Variants in DSP observed in about 807,000 individuals in gnomAD.
DSP encodes the protein 250/210 kDa paraneoplastic pemphigus antigen.
Under a neutral mutation model 290.6 loss-of-function variants are expected in DSP, and 114 were observed. The ratio of observed to expected loss-of-function variants is 0.39; its 90% CI spans 0.34 to 0.46. The LOEUF (loss-of-function observed/expected upper bound fraction) is 0.46, where lower values mean the gene tolerates loss of function less well. DSP is among the 20% of genes least tolerant of loss of function. The pLI, the probability that DSP is intolerant of heterozygous loss-of-function variation, is 0.99. For missense variants in DSP, 3,230 were observed against 3,495.8 expected (o/e 0.92, Z 1.92); for synonymous variants, 1,311 against 1,316.4 (o/e 1.00, Z 0.09).
At chr6:7,562,453 G>A (rs1404890207) in intron 4 of DSP, among the ~76,000 whole-genome samples, 199 bp from the exon 5 acceptor site, 1 of 151,328 alleles carries the variant, frequency 6.6e-6, no homozygotes, top group African/African-American at 2.4e-5. Context: ...ATCTTGAGCT[G>A]GGGTCAAGCA....
intron 1 of DSP, among the ~76,000 whole-genome samples, chr6:7,542,920 A>G (rs1758049769): frequency 7.0e-6 from 1 of 143,748 alleles, no homozygotes; most frequent in South Asian, 2.4e-4. Context: ...GCTTTGATCC[A>G]GAATGTGTGG....
In DSP at chr6:7,555,811, C is replaced by T. The variant is rs727502997; in HGVS notation, c.264C>T (p.Ile88=). The T allele has an allele frequency of 5.0e-5, 81 of 1,613,862 alleles. No homozygotes were observed. Among genetic ancestry groups the T allele is most frequent in the Admixed American group, 2.7e-4 (16 of 60,006 alleles). The change falls in exon 2 of 24, where the codon ATC becomes ATT. Residue 88 remains isoleucine, a synonymous_variant. Coordinates refer to ENST00000379802, the MANE Select transcript of DSP (RefSeq NM_004415.4). ...CSDCLMRAEL[I]VQPELKYGDG... ...ACTGCTTGATGCGAGCAGAGCTCATCGTGCAGCCTGTAAGCTTTCCCTGTT... is the reference window on the plus strand; with the variant it reads ...ACTGCTTGATGCGAGCAGAGCTCATTGTGCAGCCTGTAAGCTTTCCCTGTT...
intron 4 of DSP, among the ~76,000 whole-genome samples, chr6:7,561,380 C>T (rs570675475): frequency 3.1e-4 from 47 of 152,314 alleles, no homozygotes; most frequent in African/African-American, 1.1e-3. Flanking sequence ...CTGGGATTTG[C>T]TGTGGCTCCT....
intron 5 of DSP, among the ~76,000 whole-genome samples, chr6:7,563,191 G>A (rs995826622): frequency 5.9e-5 from 9 of 152,072 alleles, no homozygotes; most frequent in African/African-American, 1.7e-4. Context: ...ATGTCATCCC[G>A]ACACCCGCTC....
In DSP at chr6:7,563,683, T is replaced by C. The variant is rs1473764125; in HGVS notation, c.727-53T>C. On this transcript the variant is annotated intron_variant, in intron 5 of 23. Coordinates refer to ENST00000379802, the MANE Select transcript of DSP (RefSeq NM_004415.4). ...AGGAGGCTTAGAAGGGCCACTCTTT[T>C]CTATACAATCCACAAGGGGATTTAT... is the stretch of plus-strand genomic sequence containing the variant. The C allele has an allele frequency of 3.3e-6, 5 of 1,504,060 alleles. No individual in the cohort carries two copies. The East Asian group carries it at 1.1e-4, about 34-fold the overall frequency. The allele number at this position is 1,504,060 out of a possible 1,614,324, so 93.2% of individuals were successfully genotyped here.
intron 1 of DSP, among the ~76,000 whole-genome samples, chr6:7,542,965 GGGGGCCCGCCCT>G (rs1758055065): frequency 1.3e-5 from 2 of 152,310 alleles, no homozygotes; most frequent in Middle Eastern, 3.4e-3. Flanking sequence ...GGACGACGCT[GGGGGCCCGCCCT>G]GGCCTAGGCG....
At chr6:7,568,663 A>G in intron 11 of DSP, 74 bp downstream of exon 11, 1 of 1,514,426 alleles carries the variant, frequency 6.6e-7, no homozygotes, top group Non-Finnish European at 9.1e-7. Context: ...CAAGAAAGCA[A>G]CATTTAATCT....
rs761380979 is a variant in DSP, at chr6:7,568,458, G to T, written c.1288G>T (p.Glu430Ter). Residue 430 changes from glutamate to a stop codon, truncating the protein, a stop_gained, in exon 11 of 24, where the codon GAA becomes TAA. Coordinates refer to ENST00000379802, the MANE Select transcript of DSP (RefSeq NM_004415.4). LOFTEE classifies it high-confidence loss of function. The part of the protein sequence containing the change: ...ELEKEREKIL[E>*]YKRQVQNLVN... ...GCAGAAAGAACGAGAGAAAATCCTT[G>T]AATACAAGCGTCAGGTGCAGAACTT... The T allele has an allele frequency of 6.2e-7, 1 of 1,614,072 alleles. No individual in the cohort carries two copies. Among genetic ancestry groups the T allele is most frequent in the Non-Finnish European group, 8.5e-7 (1 of 1,180,010 alleles).
chr6:7,555,492 T>A (rs1758480830), intron 1 of DSP, among the ~76,000 whole-genome samples: 1 of 152,004 alleles, frequency 6.6e-6, no homozygotes, highest in African/African-American at 2.4e-5. Context: ...TATTCTCAAG[T>A]GGTTCAGAAA....
intron 1 of DSP, among the ~76,000 whole-genome samples, chr6:7,543,333 A>G (rs1489293299): frequency 6.6e-6 from 1 of 150,546 alleles, no homozygotes; most frequent in African/African-American, 2.5e-5. Context: ...TCGAGTTGCA[A>G]CCTGTTTTCT....
At chr6:7,570,978 T>A (rs993204739) in intron 13 of DSP, among the ~76,000 whole-genome samples, 2 of 152,132 alleles carry the variant, frequency 1.3e-5, no homozygotes, top group African/African-American at 4.8e-5. Flanking sequence ...TGTTTTCAGA[T>A]CATGGTCTGA....
chr6:7,567,222 G>GA, intron 8 of DSP, 132 bp from the exon 9 acceptor site: 1 of 788,874 alleles, frequency 1.3e-6, no homozygotes, highest in Non-Finnish European at 2.2e-6. Flanking sequence ...CCAACTTTTA[G>GA]AAAAATATCT....
In DSP at chr6:7,563,727, GTCT is replaced by G. The variant is rs1758771358; in HGVS notation, c.727-5_727-3del. On this transcript the variant is annotated splice_polypyrimidine_tract_variant and splice_region_variant and intron_variant, in intron 5 of 23. Coordinates refer to ENST00000379802, the MANE Select transcript of DSP (RefSeq NM_004415.4). Reference sequence around the variant, plus strand: ...GATTTATATCTACCTGCTTTTTGTTGTCTTCTAGCGCGAGAAATCTGCGATCTA... The same window carrying G: ...GATTTATATCTACCTGCTTTTTGTTGTCTAGCGCGAGAAATCTGCGATCTA... 1.2e-6 allele frequency: 2 copies of G among 1,612,394 alleles called. No homozygotes were observed. Among genetic ancestry groups the G allele is most frequent in the African/African-American group, 2.7e-5 (2 of 74,996 alleles).
chr6:7,561,755 T>C (rs1487005579), intron 4 of DSP, among the ~76,000 whole-genome samples: 2 of 152,192 alleles, frequency 1.3e-5, no homozygotes, highest in Non-Finnish European at 2.9e-5. Context: ...CCAAGTGTAT[T>C]AGAACATGGA....
chr6:7,567,884 T>C lies in DSP; in HGVS notation c.1244T>C (p.Leu415Pro). 1 of 1,613,988 alleles carries C rather than the reference T, an allele frequency of 6.2e-7. No individual in the cohort carries two copies. The highest frequency in any genetic ancestry group is 1.1e-5 in the South Asian group (1 of 91,074). ...CDKNMPLQHLLEQIKELEKER... is the reference protein window; with the variant it reads ...CDKNMPLQHLPEQIKELEKER... Reference sequence around the variant, plus strand: ...AAGAACATGCCCCTGCAGCACCTGCTGGAACAGATCAAGGAGCTGGAGGTA... The same window carrying C: ...AAGAACATGCCCCTGCAGCACCTGCCGGAACAGATCAAGGAGCTGGAGGTA... The change falls in exon 10 of 24, where the codon CTG becomes CCG. Residue 415 changes from leucine to proline, a missense_variant. This residue lies in a region of DSP where 646 missense variants were observed against 684.3 expected (regional missense o/e 0.94). Coordinates refer to ENST00000379802, the MANE Select transcript of DSP (RefSeq NM_004415.4).
At chr6:7,569,003 G>A (rs1201514418) in intron 11 of DSP, among the ~76,000 whole-genome samples, 183 bp from the exon 12 acceptor site, 3 of 152,068 alleles carry the variant, frequency 2.0e-5, no homozygotes, top group African/African-American at 7.3e-5. Flanking sequence ...TACCTTTTAG[G>A]CTCACATGTA....
Position 7,566,365 on chromosome 6 carries a change from C to A in DSP, c.940-12C>A. 6.2e-7 allele frequency: 1 copy of A among 1,607,086 alleles called. No homozygotes were observed. Among genetic ancestry groups the A allele is most frequent in the South Asian group, 1.1e-5 (1 of 90,954 alleles). ...ACTTGCTGCAAAGGATTTCTTATTT[C>A]TTCATTCACAGATACGCATGAGTCA... On this transcript the variant is annotated splice_polypyrimidine_tract_variant and intron_variant, in intron 7 of 23. Coordinates refer to ENST00000379802, the MANE Select transcript of DSP (RefSeq NM_004415.4).
In DSP at chr6:7,581,481, T is replaced by A. The variant is rs767885673; in HGVS notation, c.5291T>A (p.Leu1764Gln). 9 of 1,613,324 alleles carry A rather than the reference T, an allele frequency of 5.6e-6. No homozygotes were observed. The highest frequency in any genetic ancestry group is 5.9e-6 in the Non-Finnish European group (7 of 1,179,830). Residue 1764 changes from leucine to glutamine, a missense_variant, in exon 23 of 24, where the codon CTG (leucine) becomes CAG (glutamine). By Grantham distance (113) the Leu-to-Gln change is moderately radical (BLOSUM62 -2). Around this residue, in one of 5 missense-constraint regions of DSP, gnomAD observed 1,714 missense variants for 1,844.5 expected, o/e 0.93. Coordinates refer to ENST00000379802, the MANE Select transcript of DSP (RefSeq NM_004415.4). ...CTGCAGATCAGCAACAACCGGACCC[T>A]GGAACTGCAGGGGCTGATTAATGAT... ...SQLQISNNRT[L>Q]ELQGLINDLQ...
chr6:7,573,908 C>T (rs568716497), intron 15 of DSP, among the ~76,000 whole-genome samples, 178 bp from the exon 16 acceptor site: 1 of 152,076 alleles, frequency 6.6e-6, no homozygotes. Context: ...TTTAGGTGCT[C>T]TTACCACACA....
Sources: allele counts gnomAD v4.1 joint callset (sites outside exome capture counted in the v4.1 genomes callset), GRCh38; gene constraint gnomAD v4.1.1; regional missense constraint gnomAD v4.1.1; transcripts MANE v1.5; gene names NCBI Gene and HGNC (gene_info 2026-07-23, HGNC 2026-07-21).